ITGA2: variants seen among roughly 807,000 people sequenced by gnomAD.
The protein encoded by ITGA2 is integrin subunit alpha 2, also known as integrin alpha-2.
Under a neutral mutation model 146.3 loss-of-function variants are expected in ITGA2, and 101 were observed. That is an observed-to-expected ratio of 0.69 (90% CI 0.59 to 0.81). The LOEUF is 0.81. ITGA2 is among the 40% of genes least tolerant of loss of function. The pLI is 0.00. For missense variants in ITGA2, 1,281 were observed against 1,402.7 expected (o/e 0.91, Z 1.39); for synonymous variants, 477 against 487.1 (o/e 0.98, Z 0.27).
chr5:53,033,268 C>CA (rs3836831), intron 2 of ITGA2, among the ~76,000 whole-genome samples: 81 of 149,168 alleles, frequency 5.4e-4, no homozygotes, highest in Admixed American at 2.1e-3. Flanking sequence ...GATTCCATCT[C>CA]AAAAAAAAAA....
intron 1 of ITGA2, among the ~76,000 whole-genome samples, chr5:52,998,589 T>C (rs887842754): frequency 2.6e-5 from 4 of 152,184 alleles, no homozygotes; most frequent in Non-Finnish European, 5.9e-5. Flanking sequence ...TAAATCTTAA[T>C]TTCACTGAGA....
chr5:52,996,671 A>G (rs1056036894), intron 1 of ITGA2, among the ~76,000 whole-genome samples: 1 of 152,330 alleles, frequency 6.6e-6, no homozygotes, highest in Admixed American at 6.5e-5. Context: ...TGCAGTTATG[A>G]TTAATAAGCT....
intron 10 of ITGA2, among the ~76,000 whole-genome samples, 196 bp from the exon 11 acceptor site, chr5:53,059,678 A>AT (rs1460002313): frequency 4.6e-5 from 7 of 151,988 alleles, no homozygotes; most frequent in African/African-American, 1.4e-4. Context: ...AAAGTCCAAA[A>AT]TAACACAGCC....
Position 53,075,100 on chromosome 5 carries a change from C to T in ITGA2, c.2704C>T (p.Leu902Phe). 6.2e-7 allele frequency: 1 copy of T among 1,611,930 alleles called. No individual in the cohort carries two copies. The highest frequency in any genetic ancestry group is 8.5e-7 in the Non-Finnish European group (1 of 1,178,864). The stretch of plus-strand genomic sequence containing the variant: ...TAACTTTGACTTCAATCTTCAAAAC[C>T]TTCAGAATCAGGCGTCTCTCAGTTT... The part of the protein sequence containing the change: ...TINFDFNLQN[L>F]QNQASLSFQA... Residue 902 changes from leucine (L) to phenylalanine (F), a missense_variant, in exon 22 of 30, where the codon CTT (leucine) becomes TTT (phenylalanine). Transcript: ENST00000296585.
At chr5:53,031,526 G>A (rs1213187785) in intron 2 of ITGA2, among the ~76,000 whole-genome samples, 2 of 152,168 alleles carry the variant, frequency 1.3e-5, no homozygotes, top group African/African-American at 4.8e-5. Flanking sequence ...TGTCATGTGT[G>A]CCATGTTTTC....
In ITGA2 at chr5:53,081,686, C is replaced by A; in HGVS notation, c.3134C>A (p.Thr1045Asn). 1 of 1,609,386 alleles carries A rather than the reference C, an allele frequency of 6.2e-7. No individual in the cohort carries two copies. The highest frequency in any genetic ancestry group is 8.5e-7 in the Non-Finnish European group (1 of 1,176,456). ...TTCAAAAGTGAAAATTTCAGGCACA[C>A]CAAAGAATTGGTGAGGACAAGTTAA... is the stretch of plus-strand genomic sequence containing the variant. ...VSFKSENFRHTKELNCRTASC... is the reference protein window; with the variant it reads ...VSFKSENFRHNKELNCRTASC... Residue 1045 changes from threonine to asparagine, a missense_variant, in exon 26 of 30, where the codon ACC (threonine) becomes AAC (asparagine). Thr to Asn is a moderately conservative substitution (Grantham distance 65). Around this residue, in one of 3 missense-constraint regions of ITGA2, gnomAD observed 475 missense variants for 530.5 expected, o/e 0.90. Transcript: ENST00000296585.
chr5:53,021,325 A>C (rs1405065497), intron 1 of ITGA2, among the ~76,000 whole-genome samples: 1 of 152,202 alleles, frequency 6.6e-6, no homozygotes, highest in African/African-American at 2.4e-5. Context: ...AATATGTATA[A>C]AGTGTGTTTT....
At position 53,045,016 on chromosome 5, in the gene ITGA2, C is replaced by T. The variant is rs143531350; in HGVS notation, c.311C>T (p.Pro104Leu). Reference sequence around the variant, plus strand: ...CCTTTGAAAGCTTCAACAAGCATTCCAAATGTTACTGAGATGAAAACCAAC... The same window carrying T: ...CCTTTGAAAGCTTCAACAAGCATTCTAAATGTTACTGAGATGAAAACCAAC... The part of the protein sequence containing the change: ...KLNLQTSTSI[P>L]NVTEMKTNMS... Residue 104 changes from proline to leucine, a missense_variant, in exon 4 of 30, where the codon CCA (proline) becomes CTA (leucine). Physicochemically the swap from Pro to Leu is moderately conservative, Grantham distance 98 (BLOSUM62 -3). Around this residue, in one of 3 missense-constraint regions of ITGA2, gnomAD observed 795 missense variants for 841.7 expected, o/e 0.94. Coordinates refer to ENST00000296585, the MANE Select transcript of ITGA2 (RefSeq NM_002203.4). 3 of 1,613,336 alleles carry T rather than the reference C, an allele frequency of 1.9e-6. No homozygotes were observed. Among genetic ancestry groups the T allele is most frequent in the Non-Finnish European group, 2.5e-6 (3 of 1,179,404 alleles).
chr5:53,046,004 A>G (rs1005891502), intron 4 of ITGA2, among the ~76,000 whole-genome samples: 3 of 151,796 alleles, frequency 2.0e-5, no homozygotes, highest in South Asian at 2.1e-4. Flanking sequence ...CAGCCTGGCC[A>G]ACATGGTGAA....
At position 53,016,985 on chromosome 5, in the gene ITGA2, A is replaced by G. The variant is rs139823075; in HGVS notation, c.65-9763A>G. ...CATTTTGTCTTTCAGCTCCTGTATT[A>G]TTTTGTTGTATTCCTGAGATTCCTT... On this transcript the variant is annotated intron_variant, in intron 1 of 29. Coordinates refer to ENST00000296585, the MANE Select transcript of ITGA2 (RefSeq NM_002203.4). Among the ~76,000 whole-genome samples, 38 of 152,102 alleles carry G rather than the reference A, an allele frequency of 2.5e-4. No individual in the cohort carries two copies. The East Asian group carries it at 6.2e-3, about 25-fold the overall frequency.
At chr5:53,071,109 A>G (rs1745373152) in intron 17 of ITGA2, among the ~76,000 whole-genome samples, 1 of 151,950 alleles carries the variant, frequency 6.6e-6, no homozygotes, top group Non-Finnish European at 1.5e-5. Context: ...AGAAATGCTA[A>G]GTGTAAACAC....
chr5:53,041,028 T>A (rs536316201), intron 2 of ITGA2, among the ~76,000 whole-genome samples: 1 of 152,174 alleles, frequency 6.6e-6, no homozygotes, highest in South Asian at 2.1e-4. Context: ...ACATGGGGCA[T>A]ATGTTGTTTA....
rs779756492 is a variant in ITGA2, at chr5:53,048,621, T to C, written c.503-22T>C. ...TATGACTTACCTGTGGAAATCTGCT[T>C]CTTTCCTCTTTTCCTGTGTAGCCTG... On this transcript the variant is annotated intron_variant, in intron 5 of 29. Coordinates refer to ENST00000296585, the MANE Select transcript of ITGA2 (RefSeq NM_002203.4). 18 of 1,614,006 alleles carry C rather than the reference T, an allele frequency of 1.1e-5. No homozygotes were observed. The African/African-American group carries it at 1.9e-4, about 17-fold the overall frequency.
At position 53,065,050 on chromosome 5, in the gene ITGA2, C is replaced by G. The variant is rs758573080; in HGVS notation, c.1741C>G (p.Gln581Glu). 6 of 1,612,792 alleles carry G rather than the reference C, an allele frequency of 3.7e-6. No homozygotes were observed. In the South Asian group the frequency reaches 5.5e-5, roughly 15 times the overall value. The change falls in exon 14 of 30, where the codon CAG becomes GAG. Residue 581 changes from glutamine (Q) to glutamate (E), a missense_variant. Gln to Glu is a conservative substitution (Grantham distance 29, BLOSUM62 2). Coordinates refer to ENST00000296585, the MANE Select transcript of ITGA2 (RefSeq NM_002203.4). Reference protein sequence around the residue: ...DVIVGSPLENQNSGAVYIYNG... With the variant: ...DVIVGSPLENENSGAVYIYNG... ...GATTGTTGGTTCACCACTAGAAAAT[C>G]AGAATTCTGGAGCTGTATACATTTA...
intron 16 of ITGA2, among the ~76,000 whole-genome samples, chr5:53,067,768 T>G (rs775358377): frequency 6.6e-6 from 1 of 151,898 alleles, no homozygotes; most frequent in Non-Finnish European, 1.5e-5. Flanking sequence ...TACAGAGAAA[T>G]GAGTAAAAGT....
intron 1 of ITGA2, among the ~76,000 whole-genome samples, chr5:53,012,829 C>T (rs1579797455): frequency 6.6e-6 from 1 of 152,066 alleles, no homozygotes; most frequent in Non-Finnish European, 1.5e-5. Flanking sequence ...GTGGCTTTGA[C>T]TTGTATTTCT....
chr5:53,074,346 A>G, intron 20 of ITGA2, 39 bp from the exon 21 acceptor site: 1 of 1,534,884 alleles, frequency 6.5e-7, no homozygotes, highest in Non-Finnish European at 9.0e-7. Flanking sequence ...CAAATGTTGT[A>G]TGCCAATTGA....
intron 29 of ITGA2, 36 bp from the exon 30 acceptor site, chr5:53,090,481 CCA>C: frequency 1.3e-6 from 2 of 1,582,678 alleles, no homozygotes; most frequent in Non-Finnish European, 1.7e-6. Flanking sequence ...ACAAAATAAG[CCA>C]CGGGTGGTAA....
intron 19 of ITGA2, 109 bp from the exon 20 acceptor site, chr5:53,073,009 A>G: frequency 9.1e-7 from 1 of 1,100,682 alleles, no homozygotes; most frequent in Non-Finnish European, 1.3e-6. Context: ...TTTTCTCAGT[A>G]TTCTAAGTAA....
Sources: allele counts gnomAD v4.1 joint callset (sites outside exome capture counted in the v4.1 genomes callset), GRCh38; gene constraint gnomAD v4.1.1; regional missense constraint gnomAD v4.1.1; transcripts MANE v1.5; gene names NCBI Gene and HGNC (gene_info 2026-07-23, HGNC 2026-07-21).